The following KCNA2 variants were observed in gnomAD, a reference collection of about 807,000 sequenced individuals.
KCNA2 encodes potassium channel, voltage gated shaker related subfamily A, member 2.
In KCNA2, 11 loss-of-function variants were observed where a neutral mutation model predicts 33.4. That is an observed-to-expected ratio of 0.33 (90% CI 0.21 to 0.55). The LOEUF (loss-of-function observed/expected upper bound fraction) is 0.55. Among genes scored for constraint, KCNA2 ranks in the 20% least tolerant of loss-of-function variants. The probability of loss-of-function intolerance (pLI) is 0.93; values close to 1 mark genes in which losing one functional copy is unlikely to be tolerated. For missense variants in KCNA2, 291 were observed against 621.6 expected (o/e 0.47, Z 5.66); for synonymous variants, 222 against 231.3 (o/e 0.96, Z 0.37).
chr1:110,598,736 G>T lies in KCNA2; in HGVS notation c.*4547C>A. ...TGCCAACACTAGCCTCAGAAACACA[G>T]GTGAGAGGGACAGAGGCAAGCAGAG... On this transcript the variant is annotated 3_prime_UTR_variant, in exon 3 of 3. Coordinates refer to ENST00000316361, the MANE Select transcript of KCNA2 (RefSeq NM_004974.4). 1.0e-6 allele frequency: 1 copy of T among 985,378 alleles called. No homozygotes were observed. The allele number at this position is 985,378 out of a possible 1,614,324, so 61.0% of individuals were successfully genotyped here. A position where few individuals can be genotyped will look rare whatever the true frequency, so the allele number is the denominator to read the frequency against.
Position 110,598,490 on chromosome 1 carries a change from G to A in KCNA2, c.*4793C>T. On this transcript the variant is annotated 3_prime_UTR_variant, in exon 3 of 3. Transcript: ENST00000316361. ...GTGCTGTCCTCTCTCCACATGGGTT[G>A]ATACTGATAGAGTCCTCACTATAAT... 1 of 985,322 alleles carries A rather than the reference G, an allele frequency of 1.0e-6. No individual in the cohort carries two copies. Among genetic ancestry groups the A allele is most frequent in the South Asian group, 4.7e-5 (1 of 21,278 alleles). 61.0% of individuals were successfully genotyped at this position (985,322 alleles called of 1,614,324 possible).
chr1:110,614,596 T>C (rs57033525), intron 1 of KCNA2, among the ~76,000 whole-genome samples: 23,525 of 152,200 alleles, frequency 0.15, 2,453 homozygotes, highest in East Asian at 0.38. Flanking sequence ...CAGGTGACCT[T>C]GTAAGTCACT....
chr1:110,627,515 T>A (rs1002343900), intron 1 of KCNA2, among the ~76,000 whole-genome samples: 8 of 152,188 alleles, frequency 5.3e-5, no homozygotes, highest in African/African-American at 1.9e-4. Flanking sequence ...CTATCTCCAT[T>A]TGTCTTTATT....
chr1:110,602,463 A>C lies in KCNA2; in HGVS notation c.*820T>G. ...TGCAGTGTCAGTGTAGCTGGGCCACATCAGTGGGAAAGCAGATGTCTGCAA... is the reference window on the plus strand; with the variant it reads ...TGCAGTGTCAGTGTAGCTGGGCCACCTCAGTGGGAAAGCAGATGTCTGCAA... On this transcript the variant is annotated 3_prime_UTR_variant, in exon 3 of 3. Transcript: ENST00000316361. 8.1e-7 allele frequency: 1 copy of C among 1,236,332 alleles called. No homozygotes were observed. The highest frequency in any genetic ancestry group is 1.0e-6 in the Non-Finnish European group (1 of 985,964). The allele number at this position is 1,236,332 out of a possible 1,614,324, so 76.6% of individuals were successfully genotyped here.
upstream of KCNA2, among the ~76,000 whole-genome samples, chr1:110,608,204 C>T (rs918787707): frequency 2.6e-5 from 4 of 152,218 alleles, no homozygotes; most frequent in African/African-American, 7.2e-5. Flanking sequence ...CCTTTGCTTT[C>T]GGGAAATGTG....
chr1:110,617,031 C>T lies in KCNA2; in HGVS notation c.-495-11309G>A, dbSNP rs116106205. Among the ~76,000 whole-genome samples the T allele has an allele frequency of 1.4e-3, 207 of 152,284 alleles. No individual in the cohort carries two copies. In the Middle Eastern group the frequency reaches 0.014, roughly 10 times the overall value. On this transcript the variant is annotated intron_variant, in intron 1 of 4. Transcript: ENST00000369770. ...GGAGGAGCAGAATGTCCAAAGACCC[C>T]GAAAGAGGTGTTGAAGTGAAGCTTG...
At position 110,604,763 on chromosome 1, in the gene KCNA2, T is replaced by A. The variant is rs746657035; in HGVS notation, c.20A>T (p.Asp7Val). Residue 7 changes from aspartate (D) to valine (V), a missense_variant, in exon 3 of 3, where the codon GAC becomes GTC. Asp to Val is a radical substitution (Grantham distance 152, BLOSUM62 -3). Coordinates refer to ENST00000316361, the MANE Select transcript of KCNA2 (RefSeq NM_004974.4). This position sits in a 1 kb window ranked among gnomAD's most constrained non-coding sequence, Gnocchi z 7.6. ...GAGGGCAGCAGCCTCGTCTGCTGGG[T>A]CTCCGGTGGCCACTGTCATAATTGG... is the stretch of plus-strand genomic sequence containing the variant. MTVATGDPADEAAALPG... is the reference protein window; with the variant it reads MTVATGVPADEAAALPG... The A allele has an allele frequency of 4.3e-6, 7 of 1,613,150 alleles. No individual in the cohort carries two copies. The South Asian group carries it at 7.7e-5, about 18-fold the overall frequency.
chr1:110,627,480 C>G (rs777903343), intron 1 of KCNA2, among the ~76,000 whole-genome samples: 1 of 152,120 alleles, frequency 6.6e-6, no homozygotes, highest in Non-Finnish European at 1.5e-5. Flanking sequence ...CAACATCATG[C>G]CAGCCAATGC....
At position 110,593,978 on chromosome 1, in the gene KCNA2, G is replaced by C; in HGVS notation, c.*9305C>G. On this transcript the variant is annotated 3_prime_UTR_variant, in exon 3 of 3. Coordinates refer to ENST00000316361, the MANE Select transcript of KCNA2 (RefSeq NM_004974.4). ...TAGTTAAATGACTCCCAACTCCCAT[G>C]AGTCTTCCCCGCAAGTCCTGCTCCG... The C allele has an allele frequency of 6.5e-7, 1 of 1,548,652 alleles. No homozygotes were observed. Among genetic ancestry groups the C allele is most frequent in the Non-Finnish European group, 8.7e-7 (1 of 1,146,152 alleles).
At chr1:110,625,139 C>T (rs1195628852) in intron 1 of KCNA2, among the ~76,000 whole-genome samples, 4 of 152,218 alleles carry the variant, frequency 2.6e-5, no homozygotes, top group Non-Finnish European at 5.9e-5. Flanking sequence ...AGCATTCTAA[C>T]GGGTCTGCTA....
In KCNA2 at chr1:110,611,949, G is replaced by A. The variant is rs185066072; in HGVS notation, c.-495-6227C>T. On this transcript the variant is annotated intron_variant, in intron 1 of 4. Transcript: ENST00000369770. ...AGGTAGGCGGATCAGCTGAGCCCCA[G>A]CGCGGTGGAGGTTGCAGTGAGCTGA... Among the ~76,000 whole-genome samples, 12 of 152,326 alleles carry A rather than the reference G, an allele frequency of 7.9e-5. No homozygotes were observed. The East Asian group carries it at 2.3e-3, about 29-fold the overall frequency.
chr1:110,604,293 T>C lies in KCNA2; in HGVS notation c.490A>G (p.Ile164Val). The change falls in exon 3 of 3, where the codon ATT becomes GTT. Residue 164 changes from isoleucine (I) to valine (V), a missense_variant. Ile to Val is a conservative substitution (Grantham distance 29). Coordinates refer to ENST00000316361, the MANE Select transcript of KCNA2 (RefSeq NM_004974.4). The surrounding 1 kb of genome is among the most constrained non-coding windows in gnomAD (Gnocchi z 7.6). ...EYPESSGPAR[I>V]IAIVSVMVIL... ...ACCATGACAGACACAATAGCTATAA[T>C]CCTGGCAGGCCCTGAGCTCTCTGGG... The C allele has an allele frequency of 1.9e-6, 3 of 1,614,112 alleles. No homozygotes were observed. Among genetic ancestry groups the C allele is most frequent in the Admixed American group, 3.3e-5 (2 of 60,020 alleles).
chr1:110,609,829 A>G (rs1649809101), upstream of KCNA2, among the ~76,000 whole-genome samples: 1 of 152,228 alleles, frequency 6.6e-6, no homozygotes, highest in Non-Finnish European at 1.5e-5. Context: ...TAGGAAAAGA[A>G]CACAGGCCGT....
rs1649245220 is a variant in KCNA2 at position 110,599,505 on chromosome 1, C to T, written c.*3778G>A. 1.0e-6 allele frequency: 1 copy of T among 985,090 alleles called. No homozygotes were observed. Among genetic ancestry groups the T allele is most frequent in the African/African-American group, 1.8e-5 (1 of 57,136 alleles). 61.0% of individuals were successfully genotyped at this position (985,090 alleles called of 1,614,324 possible). On this transcript the variant is annotated 3_prime_UTR_variant, in exon 3 of 3. Coordinates refer to ENST00000316361, the MANE Select transcript of KCNA2 (RefSeq NM_004974.4). ...GAGCGTGCCCGGGATTGAACACACC[C>T]AGAGGGGAATCAGGAGTTGGCCCCT...
In KCNA2 at chr1:110,598,960, A is replaced by C. The variant is rs1331205474; in HGVS notation, c.*4323T>G. On this transcript the variant is annotated 3_prime_UTR_variant, in exon 3 of 3. Transcript: ENST00000316361. ...TCCTGAAAACTCCAAGTTTCTTGAA[A>C]ATGAATCCACAGAGGCACTTGATGA... 2 of 985,296 alleles carry C rather than the reference A, an allele frequency of 2.0e-6. No homozygotes were observed. The highest frequency in any genetic ancestry group is 3.5e-5 in the African/African-American group (2 of 57,232). The allele number at this position is 985,296 out of a possible 1,614,324, so 61.0% of individuals were successfully genotyped here. A position where few individuals can be genotyped will look rare whatever the true frequency, so the allele number is the denominator to read the frequency against.
chr1:110,596,768 G>A lies in KCNA2; in HGVS notation c.*6515C>T. 1 of 985,412 alleles carries A rather than the reference G, an allele frequency of 1.0e-6. No homozygotes were observed. The highest frequency in any genetic ancestry group is 1.2e-6 in the Non-Finnish European group (1 of 829,934). 61.0% of individuals were successfully genotyped at this position (985,412 alleles called of 1,614,324 possible). A position where few individuals can be genotyped will look rare whatever the true frequency, so the allele number is the denominator to read the frequency against. On this transcript the variant is annotated 3_prime_UTR_variant, in exon 3 of 3. Transcript: ENST00000316361. ...CCACTCAAATAACCAAAATTGCAAA[G>A]CAATCAGGATGTTCCTGTCCCTGAG...
At chr1:110,618,306 C>G (rs1051851120) in intron 1 of KCNA2, among the ~76,000 whole-genome samples, 9 of 152,200 alleles carry the variant, frequency 5.9e-5, no homozygotes, top group Non-Finnish European at 1.3e-4. Flanking sequence ...ATGATCGTGC[C>G]ACTGCACTCC....
rs1402181955 is a variant in KCNA2, at chr1:110,600,851, A to G, written c.*2432T>C. 4 of 985,308 alleles carry G rather than the reference A, an allele frequency of 4.1e-6. No individual in the cohort carries two copies. Among genetic ancestry groups the G allele is most frequent in the Admixed American group, 1.2e-4 (2 of 16,258 alleles). The allele number at this position is 985,308 out of a possible 1,614,324, so 61.0% of individuals were successfully genotyped here. Reference sequence around the variant, plus strand: ...GGATGTGGGTGACCAGGCACTAATGAGCACCCTGGGCCTAGCACCCTGAGC... The same window carrying G: ...GGATGTGGGTGACCAGGCACTAATGGGCACCCTGGGCCTAGCACCCTGAGC... On this transcript the variant is annotated 3_prime_UTR_variant, in exon 3 of 3. Coordinates refer to ENST00000316361, the MANE Select transcript of KCNA2 (RefSeq NM_004974.4).
intron 1 of KCNA2, among the ~76,000 whole-genome samples, chr1:110,615,622 G>A (rs1650023587): frequency 1.3e-5 from 2 of 152,226 alleles, no homozygotes; most frequent in Admixed American, 1.3e-4. Context: ...GTTAGTGTCA[G>A]CAACAGTGAT....
Sources: allele counts gnomAD v4.1 joint callset (sites outside exome capture counted in the v4.1 genomes callset), GRCh38; gene constraint gnomAD v4.1.1; non-coding constraint Gnocchi (gnomAD v3.1); transcripts MANE v1.5; gene names NCBI Gene and HGNC (gene_info 2026-07-23, HGNC 2026-07-21).